LYPLAL1: variants seen among roughly 807,000 people sequenced by gnomAD.
LYPLAL1 encodes the protein lysophospholipase-like protein 1.
LYPLAL1 carries 23 observed loss-of-function variants against 19.7 expected under a neutral mutation model. That is an observed-to-expected ratio of 1.17 (90% CI 0.84 to 1.65). The LOEUF (loss-of-function observed/expected upper bound fraction) is 1.65, where lower values mean the gene tolerates loss of function less well. Among genes scored for constraint, LYPLAL1 ranks in the 40% most tolerant of loss-of-function variants. The pLI is 0.00. For missense variants in LYPLAL1, 355 were observed against 279.4 expected (o/e 1.27, Z -1.93); for synonymous variants, 119 against 96.3 (o/e 1.24, Z -1.38).
chr1:219,377,769 G>A, the LYPLAL1 span, among the ~76,000 whole-genome samples: 6 of 151,532 alleles, frequency 4.0e-5, no homozygotes, highest in South Asian at 2.1e-4. Flanking sequence ...TTAATGACCC[G>A]ACTCTTACAT....
chr1:219,202,789 C>T (rs1429674927), intron 3 of LYPLAL1, among the ~76,000 whole-genome samples: 5 of 151,976 alleles, frequency 3.3e-5, no homozygotes, highest in Non-Finnish European at 5.9e-5. Context: ...GATCCTCCTG[C>T]ATCAGCCTCT....
the LYPLAL1 span, among the ~76,000 whole-genome samples, chr1:219,420,972 T>A: frequency 6.6e-6 from 1 of 152,340 alleles, no homozygotes; most frequent in East Asian, 1.9e-4. Flanking sequence ...ATATATCAGT[T>A]ATTTCTAAAT....
intron 3 of LYPLAL1, among the ~76,000 whole-genome samples, chr1:219,207,668 C>T (rs1462618762): frequency 1.3e-5 from 2 of 152,000 alleles, no homozygotes; most frequent in Non-Finnish European, 2.9e-5. Context: ...CAGCTCCCAT[C>T]ATTAAATTCT....
intron 2 of LYPLAL1, among the ~76,000 whole-genome samples, chr1:219,187,065 C>G (rs965058683): frequency 6.6e-6 from 1 of 151,042 alleles, no homozygotes; most frequent in African/African-American, 2.4e-5. Flanking sequence ...TATATAGGTC[C>G]CTTTATCCCC....
the LYPLAL1 span, among the ~76,000 whole-genome samples, chr1:219,296,939 T>C: frequency 6.6e-6 from 1 of 152,116 alleles, no homozygotes; most frequent in Admixed American, 6.5e-5. Context: ...GAAAATGGAT[T>C]TGAGGTTGAG....
At chr1:219,349,066 G>C in the LYPLAL1 span, among the ~76,000 whole-genome samples, 1 of 152,136 alleles carries the variant, frequency 6.6e-6, no homozygotes, top group African/African-American at 2.4e-5. Context: ...AGAGAAAATT[G>C]GGCTTTAGAG....
the LYPLAL1 span, among the ~76,000 whole-genome samples, chr1:219,375,844 C>A: frequency 1.3e-5 from 2 of 151,160 alleles, no homozygotes; most frequent in African/African-American, 4.9e-5. Flanking sequence ...CGGGTTCATG[C>A]CATTATCCTG....
At chr1:219,270,243 C>T in the LYPLAL1 span, among the ~76,000 whole-genome samples, 3 of 152,242 alleles carry the variant, frequency 2.0e-5, no homozygotes, top group South Asian at 4.1e-4. Context: ...AAAATTAGGA[C>T]GCAGGCACAC....
At chr1:219,359,328 G>A in the LYPLAL1 span, among the ~76,000 whole-genome samples, 1 of 152,174 alleles carries the variant, frequency 6.6e-6, no homozygotes, top group Non-Finnish European at 1.5e-5. Context: ...AGCAAACTGT[G>A]TTTTCTTACA....
At chr1:219,203,693 G>A (rs1251099005) in intron 3 of LYPLAL1, among the ~76,000 whole-genome samples, 1 of 152,132 alleles carries the variant, frequency 6.6e-6, no homozygotes, top group Non-Finnish European at 1.5e-5. Flanking sequence ...AAATAGTTTG[G>A]TGTACATCCC....
chr1:219,271,367 C>G, the LYPLAL1 span: 4 of 148,346 alleles, frequency 2.7e-5, no homozygotes, highest in African/African-American at 9.9e-5. Flanking sequence ...CTCACTGATT[C>G]ATGCTGGTTG....
the LYPLAL1 span, among the ~76,000 whole-genome samples, chr1:219,273,906 G>C: frequency 2.6e-5 from 4 of 152,226 alleles, no homozygotes; most frequent in East Asian, 7.8e-4. Flanking sequence ...GACTACAGGT[G>C]TGCACCATCA....
At chr1:219,401,711 T>A in the LYPLAL1 span, among the ~76,000 whole-genome samples, 1 of 152,172 alleles carries the variant, frequency 6.6e-6, no homozygotes, top group Non-Finnish European at 1.5e-5. Context: ...TGTATAATTA[T>A]CCTGAGTAAT....
the LYPLAL1 span, among the ~76,000 whole-genome samples, chr1:219,253,918 T>C: frequency 2.0e-5 from 3 of 152,136 alleles, no homozygotes; most frequent in Non-Finnish European, 4.4e-5. Context: ...TTTATGTTGC[T>C]TTGTAGGTCT....
chr1:219,410,275 G>A, the LYPLAL1 span: 1 of 152,102 alleles, frequency 6.6e-6, no homozygotes, highest in African/African-American at 2.4e-5. Context: ...AACCTGTAGA[G>A]GAAAAAACAA....
In LYPLAL1 at chr1:219,210,928, T is replaced by G. The variant is rs749468120; in HGVS notation, c.477+281T>G. Among the ~76,000 whole-genome samples, 106 of 152,098 alleles carry G rather than the reference T, an allele frequency of 7.0e-4. 1 individual carries two copies. Among genetic ancestry groups the G allele is most frequent in the Non-Finnish European group, 9.4e-4 (64 of 67,990 alleles). The stretch of plus-strand genomic sequence containing the variant: ...GTTGTGGGGGAGCATATATGTAAAT[T>G]TTATACATATTAAAACTGCATGATG... On this transcript the variant is annotated intron_variant, in intron 4 of 4. Transcript: ENST00000366928.
At chr1:219,425,859 T>C in the LYPLAL1 span, among the ~76,000 whole-genome samples, 2 of 152,180 alleles carry the variant, frequency 1.3e-5, no homozygotes, top group African/African-American at 2.4e-5. Context: ...TCAGGTAGCC[T>C]ACAAAGAGAA....
the LYPLAL1 span, among the ~76,000 whole-genome samples, chr1:219,293,262 A>G: frequency 2.6e-5 from 4 of 152,176 alleles, no homozygotes; most frequent in Admixed American, 2.0e-4. Context: ...CAGAGCTGAA[A>G]AAAATAAAAA....
the LYPLAL1 span, among the ~76,000 whole-genome samples, chr1:219,419,704 G>A: frequency 3.9e-4 from 60 of 152,168 alleles, no homozygotes; most frequent in African/African-American, 1.3e-3. Context: ...GAGGCTGGGC[G>A]GTGTTCTCTC....
Sources: gnomAD v4.1 joint callset for allele counts (sites outside exome capture counted in the v4.1 genomes callset) on GRCh38, gnomAD v4.1.1 for gene constraint, MANE v1.5 for transcripts, NCBI Gene and HGNC (gene_info 2026-07-23, HGNC 2026-07-21) for gene names.